Variants in DST observed in about 807,000 individuals in gnomAD.
The protein encoded by DST is dystonin, also known as bullous pemphigoid antigen.
A neutral mutation model predicts 875.2 loss-of-function variants in DST; 253 were observed. The ratio of observed to expected loss-of-function variants is 0.29; its 90% CI spans 0.26 to 0.32. DST has a LOEUF of 0.32. Among genes scored for constraint, DST ranks in the 10% least tolerant of loss-of-function variants. DST has a pLI of 1.00. For synonymous variants in DST, 3,124 were observed against 3,197.1 expected (o/e 0.98, Z 0.77); for missense variants, 8,287 against 9,111.6 (o/e 0.91, Z 3.68).
intron 10 of DST, among the ~76,000 whole-genome samples, chr6:56,654,735 C>A (rs2098996512): frequency 6.6e-6 from 1 of 151,926 alleles, no homozygotes; most frequent in African/African-American, 2.4e-5. Flanking sequence ...ATAAAAATTG[C>A]ATGAGAGATT....
chr6:56,738,745 C>T (rs1002761296), intron 4 of DST, among the ~76,000 whole-genome samples: 12 of 152,076 alleles, frequency 7.9e-5, no homozygotes, highest in African/African-American at 2.7e-4. Context: ...ACCTCAGCCT[C>T]CCAAGGAGTT....
chr6:56,526,623 T>A, intron 68 of DST, 56 bp from the exon 69 acceptor site: 2 of 1,521,052 alleles, frequency 1.3e-6, no homozygotes, highest in Non-Finnish European at 1.8e-6. Context: ...ACTTTTCCTT[T>A]AACTGTTCTT....
At chr6:56,690,324 T>C (rs778017842) in intron 9 of DST, among the ~76,000 whole-genome samples, 3 of 152,154 alleles carry the variant, frequency 2.0e-5, no homozygotes, top group Non-Finnish European at 4.4e-5. Flanking sequence ...CAAAGCAGTA[T>C]ACAAATCTAA....
At chr6:56,832,615 G>A (rs1326099411) in intron 4 of DST, among the ~76,000 whole-genome samples, 55 of 132,668 alleles carry the variant, frequency 4.1e-4, no homozygotes, top group South Asian at 2.2e-3. Flanking sequence ...AAATAACACT[G>A]CAAAAAAAAA....
rs59493539 is a variant in DST, at chr6:56,684,542, C to T, written c.1048-13735G>A. 6.2e-3 allele frequency among the ~76,000 whole-genome samples: 941 copies of T among 152,260 alleles called. 11 individuals are homozygous for T. The highest frequency in any genetic ancestry group is 0.022 in the African/African-American group (911 of 41,556). ...AACAAGCTTAGACTAAAAGAGGTGA[C>T]GTCATTTGCGTAGGGTCTCACAGCA... On this transcript the variant is annotated intron_variant, in intron 9 of 103. Transcript: ENST00000680361.
chr6:56,762,264 C>A (rs1564049954), intron 4 of DST, among the ~76,000 whole-genome samples: 1 of 152,162 alleles, frequency 6.6e-6, no homozygotes, highest in Non-Finnish European at 1.5e-5. Context: ...TCAGGTGATC[C>A]ACCCGCCTTG....
intron 61 of DST, among the ~76,000 whole-genome samples, chr6:56,539,716 T>G (rs981290455): frequency 5.3e-5 from 8 of 152,150 alleles, no homozygotes; most frequent in African/African-American, 1.9e-4. Flanking sequence ...CTTTCTTACC[T>G]CATTCACCAC....
chr6:56,530,532 C>G (rs1253011950), intron 64 of DST, among the ~76,000 whole-genome samples: 1 of 152,158 alleles, frequency 6.6e-6, no homozygotes, highest in Non-Finnish European at 1.5e-5. Context: ...ATTGGAGCAA[C>G]AGTTACTGAG....
rs767051612 is a variant in DST, at chr6:56,463,686, C to T, written c.22838G>A (p.Arg7613Gln). The change falls in exon 101 of 104, where the codon CGA becomes CAA. Residue 7613 changes from arginine to glutamine, a missense_variant. By Grantham distance (43) the Arg-to-Gln change is conservative. Coordinates refer to ENST00000680361, the MANE Select transcript of DST (RefSeq NM_001374736.1). ...TGGCCGGGATCTTCGGCCTCGGGGT[C>T]GGAAAGCAGCCATACCCTGGCTGGC... The part of the protein sequence containing the change: ...DGASQGMAAF[R>Q]PRGRRSRPSS... 13 of 1,613,782 alleles carry T rather than the reference C, an allele frequency of 8.1e-6. No individual in the cohort carries two copies. Among genetic ancestry groups the T allele is most frequent in the African/African-American group, 1.3e-5 (1 of 74,880 alleles).
intron 2 of DST, among the ~76,000 whole-genome samples, chr6:56,903,409 G>A (rs1795009695): frequency 6.6e-6 from 1 of 152,170 alleles, no homozygotes; most frequent in Admixed American, 6.5e-5. Context: ...CTACCCTAGA[G>A]AAATTCTACC....
chr6:56,460,084 T>C, intron 103 of DST, 47 bp downstream of exon 103: 2 of 1,569,972 alleles, frequency 1.3e-6, no homozygotes, highest in African/African-American at 1.4e-5. Flanking sequence ...AATCCTCAGA[T>C]GACCATGCTG....
intron 29 of DST, 87 bp downstream of exon 29, chr6:56,631,796 A>C (rs111423030): frequency 1.2e-5 from 15 of 1,293,522 alleles, no homozygotes; most frequent in Non-Finnish European, 1.7e-5. Flanking sequence ...GTGAGTGTGC[A>C]AAACTGAACA....
At chr6:56,937,780 C>G (rs1813787759) in intron 2 of DST, among the ~76,000 whole-genome samples, 1 of 152,118 alleles carries the variant, frequency 6.6e-6, no homozygotes, top group Non-Finnish European at 1.5e-5. Flanking sequence ...ATGGATAAAT[C>G]AAGTATGGTA....
chr6:56,662,073 T>C (rs2099046144), intron 10 of DST, among the ~76,000 whole-genome samples: 1 of 151,794 alleles, frequency 6.6e-6, no homozygotes, highest in South Asian at 2.1e-4. Flanking sequence ...ATTTTATGAA[T>C]GAAAGGGCAA....
chr6:56,542,516 T>C (rs537024339), intron 61 of DST: 2 of 150,232 alleles, frequency 1.3e-5, no homozygotes, highest in African/African-American at 4.9e-5. Context: ...CTGAGGCAAT[T>C]GCAGCAACGA....
chr6:56,747,256 C>T (rs1370965521), intron 4 of DST, among the ~76,000 whole-genome samples: 1 of 152,154 alleles, frequency 6.6e-6, no homozygotes, highest in Non-Finnish European at 1.5e-5. Flanking sequence ...ACTACAAATG[C>T]CATAAATCTC....
At chr6:56,838,571 C>A (rs1474955983) in intron 4 of DST, among the ~76,000 whole-genome samples, 2 of 151,588 alleles carry the variant, frequency 1.3e-5, no homozygotes, top group African/African-American at 2.4e-5. Context: ...AAAAAAAAAA[C>A]CTAGAAGTTT....
chr6:56,468,548 T>A (rs1416554378), intron 98 of DST, among the ~76,000 whole-genome samples: 1 of 152,180 alleles, frequency 6.6e-6, no homozygotes, highest in Non-Finnish European at 1.5e-5. Flanking sequence ...CTCTCTGTCT[T>A]CCTGTGTCAC....
rs745772800 is a variant in DST, at chr6:56,640,459, A to G, written c.2174T>C (p.Leu725Ser). 10 of 1,614,152 alleles carry G rather than the reference A, an allele frequency of 6.2e-6. No homozygotes were observed. In the South Asian group the frequency reaches 9.9e-5, roughly 16 times the overall value. The change falls in exon 18 of 104, where the codon TTA becomes TCA. Residue 725 changes from leucine to serine, a missense_variant. Leu to Ser is a moderately radical substitution (Grantham distance 145). This residue lies in a region of DST where 1,160 missense variants were observed against 1,424.3 expected (regional missense o/e 0.81). Transcript: ENST00000680361. ...QSLNSGFAQT[L>S]HPSLTSGLTQ... ...CAGCCCTGAGGTCAGACTAGGGTGT[A>G]AGGTCTGTGCAAATCCTGAGTTTAA...
Sources: allele counts gnomAD v4.1 joint callset (sites outside exome capture counted in the v4.1 genomes callset), GRCh38; gene constraint gnomAD v4.1.1; regional missense constraint gnomAD v4.1.1; transcripts MANE v1.5; gene names NCBI Gene and HGNC (gene_info 2026-07-23, HGNC 2026-07-21).